Variants in PSMC4 observed in about 807,000 individuals in gnomAD.
PSMC4 encodes the protein 26S proteasome regulatory subunit 6B.
A neutral mutation model predicts 48.4 loss-of-function variants in PSMC4; 13 were observed. That is an observed-to-expected ratio of 0.27 (90% CI 0.18 to 0.43). PSMC4 has a LOEUF of 0.43. Ranked by LOEUF, PSMC4 falls within the 20% of genes least tolerant of loss-of-function variation. The probability of loss-of-function intolerance (pLI) is 1.00; values close to 1 mark genes in which losing one functional copy is unlikely to be tolerated. For synonymous variants in PSMC4, 202 were observed against 212.3 expected (o/e 0.95, Z 0.42); for missense variants, 262 against 555.9 (o/e 0.47, Z 5.32).
intron 3 of PSMC4, among the ~76,000 whole-genome samples, chr19:39,973,039 C>T (rs765757372): frequency 6.6e-6 from 1 of 152,176 alleles, no homozygotes; most frequent in East Asian, 1.9e-4. Context: ...AGCCCCACTG[C>T]ACCTGGCCAG....
Position 39,979,830 on chromosome 19 carries a change from G to T in PSMC4, c.687G>T (p.Arg229=), listed in dbSNP as rs1417165691. The T allele has an allele frequency of 6.3e-7, 1 of 1,590,900 alleles. No individual in the cohort carries two copies. The highest frequency in any genetic ancestry group is 8.6e-7 in the Non-Finnish European group (1 of 1,164,332). The part of the protein sequence containing the change: ...VAHHTTAAFI[R]VVGSEFVQKY... ...TCCTGTCATCAGCTGCATTCATCCGGGTCGTGGGCTCGGAGTTTGTACAGA... is the reference window on the plus strand; with the variant it reads ...TCCTGTCATCAGCTGCATTCATCCGTGTCGTGGGCTCGGAGTTTGTACAGA... The change falls in exon 7 of 11, where the codon CGG becomes CGT. Residue 229 remains arginine (R), a synonymous_variant. Transcript: ENST00000157812.
Position 39,980,508 on chromosome 19 carries a change from C to A in PSMC4, c.1087+54C>A. 14 of 1,603,670 alleles carry A rather than the reference C, an allele frequency of 8.7e-6. No homozygotes were observed. The highest frequency in any genetic ancestry group is 1.2e-5 in the Non-Finnish European group (14 of 1,171,622). ...CCCTAGTTGGGAACGGGGATTAGATCTTCAGCTCAACTTCTGCCAGCACCA... is the reference window on the plus strand; with the variant it reads ...CCCTAGTTGGGAACGGGGATTAGATATTCAGCTCAACTTCTGCCAGCACCA... On this transcript the variant is annotated intron_variant, in intron 9 of 10. Transcript: ENST00000157812. This position sits in a 1 kb window ranked among gnomAD's most constrained non-coding sequence, Gnocchi z 4.8.
In PSMC4 at chr19:39,980,755, G is replaced by A. The variant is rs1198523082; in HGVS notation, c.1143+38G>A. ...TTCTCTCTGGATCCAGGCAGCGGGTGTGTGAGGACCCTTCTTCTCTGAACC... is the reference window on the plus strand; with the variant it reads ...TTCTCTCTGGATCCAGGCAGCGGGTATGTGAGGACCCTTCTTCTCTGAACC... On this transcript the variant is annotated intron_variant, in intron 10 of 10. Coordinates refer to ENST00000157812, the MANE Select transcript of PSMC4 (RefSeq NM_006503.4). This position sits in a 1 kb window ranked among gnomAD's most constrained non-coding sequence, Gnocchi z 4.8. The A allele has an allele frequency of 5.0e-6, 8 of 1,597,626 alleles. No individual in the cohort carries two copies. The highest frequency in any genetic ancestry group is 6.9e-6 in the Non-Finnish European group (8 of 1,165,228).
Position 39,981,466 on chromosome 19 carries a change from C to T in PSMC4, c.*161C>T. Reference sequence around the variant, plus strand: ...ATTTAATTTCTTCTTAGAAGTTTAACTCCTTTGGAGAATGTGGGCCTTGAA... The same window carrying T: ...ATTTAATTTCTTCTTAGAAGTTTAATTCCTTTGGAGAATGTGGGCCTTGAA... On this transcript the variant is annotated 3_prime_UTR_variant, in exon 11 of 11. Transcript: ENST00000157812. 1 of 587,858 alleles carries T rather than the reference C, an allele frequency of 1.7e-6. No individual in the cohort carries two copies. The highest frequency in any genetic ancestry group is 3.0e-6 in the Non-Finnish European group (1 of 328,962). The allele number at this position is 587,858 out of a possible 1,614,324, so 36.4% of individuals were successfully genotyped here.
At chr19:39,976,819 C>A (rs1246065400) in intron 6 of PSMC4, among the ~76,000 whole-genome samples, 1 of 141,024 alleles carries the variant, frequency 7.1e-6, no homozygotes, top group African/African-American at 2.6e-5. Context: ...CGTAAACCTT[C>A]TTAAAACATG....
rs1212835731 is a variant in PSMC4 at position 39,974,312 on chromosome 19, G to T, written c.341G>T (p.Arg114Leu). The T allele has an allele frequency of 6.2e-7, 1 of 1,613,968 alleles. No homozygotes were observed. The highest frequency in any genetic ancestry group is 8.5e-7 in the Non-Finnish European group (1 of 1,180,036). The change falls in exon 4 of 11, where the codon CGC (arginine) becomes CTC (leucine). Residue 114 changes from arginine to leucine, a missense_variant. This residue lies in a region of PSMC4 where 131 missense variants were observed against 276.7 expected (regional missense o/e 0.47). Transcript: ENST00000157812. The surrounding 1 kb of genome is among the most constrained non-coding windows in gnomAD (Gnocchi z 5.5). ...CTCGCAGGCTCCAACTATTATGTGC[G>T]CATCCTGAGCACCATCGATCGGGAG... is the stretch of plus-strand genomic sequence containing the variant. ...GSTTGSNYYV[R>L]ILSTIDRELL...
intron 6 of PSMC4, among the ~76,000 whole-genome samples, chr19:39,976,504 TAA>T: frequency 6.9e-6 from 1 of 144,974 alleles, no homozygotes; most frequent in East Asian, 2.0e-4. Flanking sequence ...CACAGATTCG[TAA>T]AGTTTCTTTT....
At chr19:39,977,790 C>G (rs1971227856) in intron 6 of PSMC4, among the ~76,000 whole-genome samples, 1 of 151,904 alleles carries the variant, frequency 6.6e-6, no homozygotes, top group Non-Finnish European at 1.5e-5. Flanking sequence ...CCATTGCACT[C>G]CAGCCCGGCC....
In PSMC4 at chr19:39,981,390, T is replaced by G; in HGVS notation, c.*85T>G. On this transcript the variant is annotated 3_prime_UTR_variant, in exon 11 of 11. Coordinates refer to ENST00000157812, the MANE Select transcript of PSMC4 (RefSeq NM_006503.4). ...CCTCTGTCCCAAAACCTCATTCCCTTTTTTCTTTACCCAGGATTGGTTTCT... is the reference window on the plus strand; with the variant it reads ...CCTCTGTCCCAAAACCTCATTCCCTGTTTTCTTTACCCAGGATTGGTTTCT... 1 of 931,734 alleles carries G rather than the reference T, an allele frequency of 1.1e-6. No individual in the cohort carries two copies. The highest frequency in any genetic ancestry group is 1.7e-6 in the Non-Finnish European group (1 of 576,886). The allele number at this position is 931,734 out of a possible 1,614,324, so 57.7% of individuals were successfully genotyped here.
At chr19:39,975,338 T>G (rs1971180404) in intron 6 of PSMC4, among the ~76,000 whole-genome samples, 1 of 152,088 alleles carries the variant, frequency 6.6e-6, no homozygotes, top group African/African-American at 2.4e-5. Context: ...AGGCTGGTCT[T>G]GAACTCCTGG....
rs1388878860 is a variant in PSMC4, at chr19:39,980,553, G to T, written c.1087+99G>T. ...GCACCACAGCCCAGACTGTGCAGGT[G>T]GGACCAAGGTCCAGGGAGGAGGGGA... is the stretch of plus-strand genomic sequence containing the variant. On this transcript the variant is annotated intron_variant, in intron 9 of 10. Coordinates refer to ENST00000157812, the MANE Select transcript of PSMC4 (RefSeq NM_006503.4). The surrounding 1 kb of genome is among the most constrained non-coding windows in gnomAD (Gnocchi z 4.8). The T allele has an allele frequency of 1.3e-6, 2 of 1,586,070 alleles. No homozygotes were observed. Among genetic ancestry groups the T allele is most frequent in the African/African-American group, 2.7e-5 (2 of 74,248 alleles).
intron 3 of PSMC4, 57 bp downstream of exon 3, chr19:39,972,612 T>C: frequency 3.3e-6 from 5 of 1,504,534 alleles, no homozygotes; most frequent in Non-Finnish European, 4.5e-6. Flanking sequence ...TTTCCTACCA[T>C]GTGCTAGGCA....
Position 39,974,494 on chromosome 19 carries a change from C to A in PSMC4, c.470-30C>A, listed in dbSNP as rs201690680. ...CCCCATGGGGACCTTGAGGACCTGG[C>A]CAGGAGCCCCAGCTCTGCTCTCCCA... On this transcript the variant is annotated intron_variant, in intron 4 of 10. Coordinates refer to ENST00000157812, the MANE Select transcript of PSMC4 (RefSeq NM_006503.4). This position sits in a 1 kb window ranked among gnomAD's most constrained non-coding sequence, Gnocchi z 5.5. The A allele has an allele frequency of 3.5e-4, 561 of 1,613,182 alleles. No individual in the cohort carries two copies. The African/African-American group carries it at 6.4e-3, about 18-fold the overall frequency.
chr19:39,972,608 A>G, intron 3 of PSMC4, 53 bp downstream of exon 3: 1 of 1,521,176 alleles, frequency 6.6e-7, no homozygotes, highest in Non-Finnish European at 8.9e-7. Flanking sequence ...ACTATTTCCT[A>G]CCATGTGCTA....
Position 39,972,458 on chromosome 19 carries a change from C to T in PSMC4, c.225C>T (p.Ala75=). ...QKNLKKEFLH[A]QEEVKRIQSI... ...ACCTGAAAAAGGAATTTCTCCATGC[C>T]CAGGAGGAGGTGAAGCGAATCCAAA... Residue 75 remains alanine, a synonymous_variant, in exon 3 of 11, where the codon GCC becomes GCT. Coordinates refer to ENST00000157812, the MANE Select transcript of PSMC4 (RefSeq NM_006503.4). The T allele has an allele frequency of 6.2e-7, 1 of 1,614,058 alleles. No individual in the cohort carries two copies. The highest frequency in any genetic ancestry group is 8.5e-7 in the Non-Finnish European group (1 of 1,180,010).
chr19:39,976,952 C>T (rs769437279), intron 6 of PSMC4, among the ~76,000 whole-genome samples: 6 of 150,168 alleles, frequency 4.0e-5, no homozygotes, highest in East Asian at 2.0e-4. Flanking sequence ...TGGGTTCAAG[C>T]GATTCTCCTA....
intron 3 of PSMC4, among the ~76,000 whole-genome samples, chr19:39,973,691 A>G (rs1971145082): frequency 1.3e-5 from 2 of 150,998 alleles, no homozygotes; most frequent in Admixed American, 1.3e-4. Context: ...TGCCCTCTTG[A>G]TAGTCATTGT....
chr19:39,975,995 T>C (rs890779244), intron 6 of PSMC4, among the ~76,000 whole-genome samples: 1 of 152,026 alleles, frequency 6.6e-6, no homozygotes, highest in Non-Finnish European at 1.5e-5. Context: ...ACGCCTGTAA[T>C]CCCAGCACTT....
rs765768285 is a variant in PSMC4, at chr19:39,974,746, T to TC, written c.598dup (p.Arg200ProfsTer43). On this transcript the variant is annotated frameshift_variant, in exon 6 of 11. Coordinates refer to ENST00000157812, the MANE Select transcript of PSMC4 (RefSeq NM_006503.4). LOFTEE classifies it high-confidence loss of function. The surrounding 1 kb of genome is among the most constrained non-coding windows in gnomAD (Gnocchi z 5.5). ...CCTCTGGGTTTCAGATCGGCATCGA[T>TC]CCCCCCCGAGGCGTCCTCATGTATG... 6 of 1,613,702 alleles carry TC rather than the reference T, an allele frequency of 3.7e-6. No individual in the cohort carries two copies. Among genetic ancestry groups the TC allele is most frequent in the Admixed American group, 3.3e-5 (2 of 59,974 alleles).
Sources: gnomAD v4.1 joint callset for allele counts (sites outside exome capture counted in the v4.1 genomes callset) on GRCh38, gnomAD v4.1.1 for gene constraint, gnomAD v4.1.1 regional missense constraint, Gnocchi (gnomAD v3.1) non-coding constraint, MANE v1.5 for transcripts, NCBI Gene and HGNC (gene_info 2026-07-23, HGNC 2026-07-21) for gene names.